Variants in KALRN observed in about 807,000 individuals in gnomAD.
The protein encoded by KALRN is kalirin.
KALRN carries 70 observed loss-of-function variants against 353.7 expected under a neutral mutation model. The ratio of observed to expected loss-of-function variants is 0.20; its 90% confidence interval spans 0.16 to 0.24. The LOEUF (loss-of-function observed/expected upper bound fraction) is 0.24, where lower values mean the gene tolerates loss of function less well. Among genes scored for constraint, KALRN ranks in the 10% least tolerant of loss-of-function variants. KALRN has a pLI of 1.00. For synonymous variants in KALRN, 1,391 were observed against 1,434.8 expected, an observed-to-expected ratio of 0.97 and a Z score of 0.69; for missense variants, 2,791 against 3,756.7, an observed-to-expected ratio of 0.74 and a Z score of 6.72.
At position 124,241,247 on chromosome 3, in the gene KALRN, A is replaced by G. The variant is rs1366165697; in HGVS notation, c.263+6304A>G. Among the ~76,000 whole-genome samples, 3 of 152,304 alleles carry G rather than the reference A, an allele frequency of 2.0e-5. No individual in the cohort carries two copies. In the East Asian group the frequency reaches 5.8e-4, roughly 29 times the overall value. ...CAGCACATATTTTCATAAACAATAT[A>G]TGATTTACTTTTCTTGTTTTTGAGC... On this transcript the variant is annotated intron_variant, in intron 3 of 59. Coordinates refer to ENST00000682506, the MANE Select transcript of KALRN (RefSeq NM_001388419.1).
intron 1 of KALRN, among the ~76,000 whole-genome samples, chr3:124,036,574 C>G (rs925199041): frequency 2.6e-5 from 4 of 152,138 alleles, no homozygotes; most frequent in Middle Eastern, 3.4e-3. Context: ...AGCCATGTTT[C>G]TAAACCTTCT....
intron 23 of KALRN, among the ~76,000 whole-genome samples, chr3:124,458,774 A>C (rs1438881307): frequency 1.3e-5 from 2 of 152,152 alleles, no homozygotes; most frequent in Non-Finnish European, 2.9e-5. Flanking sequence ...GCTAAAAAAA[A>C]AATACAAAAC....
At chr3:124,697,178 G>A (rs551279276) in intron 54 of KALRN, among the ~76,000 whole-genome samples, 8 of 152,300 alleles carry the variant, frequency 5.3e-5, no homozygotes, top group African/African-American at 1.7e-4. Context: ...GATTATAGGC[G>A]TCAGCCAGCA....
intron 1 of KALRN, among the ~76,000 whole-genome samples, chr3:124,170,970 T>G (rs1479562155): frequency 1.3e-5 from 2 of 149,198 alleles, no homozygotes; most frequent in Non-Finnish European, 3.0e-5. Context: ...TGTGCCACCA[T>G]GCCCAGCTAA....
chr3:124,466,032 C>CTGTGTGTG (rs1173011827), intron 25 of KALRN, among the ~76,000 whole-genome samples: 1 of 99,844 alleles, frequency 1.0e-5, no homozygotes, highest in East Asian at 2.8e-4. Context: ...CTCTCTCTTG[C>CTGTGTGTG]TCTGTGTGTG....
intron 5 of KALRN, among the ~76,000 whole-genome samples, chr3:124,291,931 A>T (rs1206634984): frequency 6.6e-6 from 1 of 152,204 alleles, no homozygotes; most frequent in Non-Finnish European, 1.5e-5. Context: ...CCCATATCCC[A>T]GCTGCCTCCC....
At chr3:124,611,184 C>T (rs929923305) in intron 34 of KALRN, among the ~76,000 whole-genome samples, 2 of 152,004 alleles carry the variant, frequency 1.3e-5, no homozygotes, top group Non-Finnish European at 2.9e-5. Context: ...TTAGTAATGA[C>T]CTGAAGCAAG....
intron 29 of KALRN, chr3:124,488,528 C>T (rs371419520): frequency 2.6e-5 from 14 of 532,150 alleles, no homozygotes; most frequent in African/African-American, 2.1e-4. Flanking sequence ...CAGGCCTAAG[C>T]CACTGGAGGT....
At position 124,252,444 on chromosome 3, in the gene KALRN, G is replaced by A. The variant is rs543080538; in HGVS notation, c.264-12054G>A. On this transcript the variant is annotated intron_variant, in intron 3 of 59. Coordinates refer to ENST00000682506, the MANE Select transcript of KALRN (RefSeq NM_001388419.1). The stretch of plus-strand genomic sequence containing the variant: ...GATCAAGTGTTCTACGCATCTATGA[G>A]GCAAGATAGCATGGCAGTTTTATGC... Among the ~76,000 whole-genome samples the A allele has an allele frequency of 7.9e-5, 12 of 152,292 alleles. 1 individual carries two copies. The South Asian group carries it at 2.3e-3, about 29-fold the overall frequency.
At chr3:124,359,306 G>A (rs190302198) in intron 10 of KALRN, among the ~76,000 whole-genome samples, 2 of 152,318 alleles carry the variant, frequency 1.3e-5, no homozygotes, top group South Asian at 2.1e-4. Context: ...TGATTTGGCC[G>A]GTATCTGGCC....
chr3:124,674,311 A>G (rs751422800), intron 48 of KALRN, 53 bp from the exon 49 acceptor site: 4 of 1,568,842 alleles, frequency 2.5e-6, no homozygotes, highest in African/African-American at 1.3e-5. Flanking sequence ...GAGCAAGCCC[A>G]TGTGAACTAG....
intron 9 of KALRN, among the ~76,000 whole-genome samples, chr3:124,336,109 C>T (rs1458677343): frequency 6.6e-6 from 1 of 152,104 alleles, no homozygotes; most frequent in Non-Finnish European, 1.5e-5. Context: ...GATGGGCCTT[C>T]GAGCATGCCC....
intron 57 of KALRN, among the ~76,000 whole-genome samples, chr3:124,711,883 T>C (rs2062904609): frequency 1.3e-5 from 2 of 152,226 alleles, no homozygotes; most frequent in Admixed American, 1.3e-4. Context: ...GAGATCTATT[T>C]TGCTATTTTC....
At chr3:124,336,719 C>G (rs2081170166) in intron 9 of KALRN, among the ~76,000 whole-genome samples, 1 of 152,080 alleles carries the variant, frequency 6.6e-6, no homozygotes, top group Non-Finnish European at 1.5e-5. Context: ...AAATGAGAGC[C>G]TTTCTGAAAT....
chr3:124,524,872 T>A (rs1423420940), intron 33 of KALRN, among the ~76,000 whole-genome samples: 1 of 152,204 alleles, frequency 6.6e-6, no homozygotes, highest in Non-Finnish European at 1.5e-5. Flanking sequence ...GATTGTTAGG[T>A]GACCACACAT....
At chr3:124,088,420 A>G (rs1203808059) in intron 1 of KALRN, among the ~76,000 whole-genome samples, 1 of 152,176 alleles carries the variant, frequency 6.6e-6, no homozygotes, top group Admixed American at 6.5e-5. Flanking sequence ...CATAAGCTCT[A>G]AGAATCTGCC....
intron 34 of KALRN, among the ~76,000 whole-genome samples, chr3:124,585,450 T>G (rs988118502): frequency 2.0e-5 from 3 of 152,230 alleles, no homozygotes; most frequent in Non-Finnish European, 4.4e-5. Context: ...CGTGGATTTG[T>G]AGCTCCGGGC....
chr3:124,273,939 G>C (rs1452533520), intron 5 of KALRN, among the ~76,000 whole-genome samples: 2 of 152,182 alleles, frequency 1.3e-5, no homozygotes, highest in Non-Finnish European at 2.9e-5. Context: ...TTCACATCTG[G>C]CCACCCCTCC....
chr3:124,220,890 A>G (rs1190183277), intron 1 of KALRN, among the ~76,000 whole-genome samples: 1 of 152,222 alleles, frequency 6.6e-6, no homozygotes, highest in Non-Finnish European at 1.5e-5. Context: ...CCTCAAAGAT[A>G]AAGCAGAATG....
Sources: allele counts gnomAD v4.1 joint callset (sites outside exome capture counted in the v4.1 genomes callset), GRCh38; gene constraint gnomAD v4.1.1; transcripts MANE v1.5; gene names NCBI Gene and HGNC (gene_info 2026-07-23, HGNC 2026-07-21).